NKAIN3: variants seen among roughly 807,000 people sequenced by gnomAD.
NKAIN3 encodes sodium/potassium transporting ATPase interacting 3, also known as sodium/potassium-transporting ATPase subunit beta-1-interacting protein 3.
Under a neutral mutation model 30.2 loss-of-function variants are expected in NKAIN3, and 25 were observed. The ratio of observed to expected loss-of-function variants is 0.83; its 90% CI spans 0.60 to 1.16. The LOEUF is 1.16. NKAIN3 is among the 50% of genes most tolerant of loss of function. The pLI, the probability that NKAIN3 is intolerant of heterozygous loss-of-function variation, is 0.00. For synonymous variants in NKAIN3, 91 were observed against 89.6 expected (o/e 1.02, Z -0.09); for missense variants, 225 against 254.1 (o/e 0.89, Z 0.78).
intron 4 of NKAIN3, among the ~76,000 whole-genome samples, chr8:62,795,613 T>C (rs965575414): frequency 6.6e-6 from 1 of 152,194 alleles, no homozygotes; most frequent in Non-Finnish European, 1.5e-5. Context: ...TTTTTAGCTC[T>C]AAAATGGAAT....
intron 3 of NKAIN3, among the ~76,000 whole-genome samples, chr8:62,637,232 T>C (rs1009493497): frequency 6.6e-6 from 1 of 152,174 alleles, no homozygotes; most frequent in African/African-American, 2.4e-5. Context: ...TTGAAGAACA[T>C]CCCTGAGGCT....
At chr8:62,632,746 A>AC (rs144627559) in intron 3 of NKAIN3, among the ~76,000 whole-genome samples, 7,183 of 151,816 alleles carry the variant, frequency 0.047, 236 homozygotes, top group Non-Finnish European at 0.073. Flanking sequence ...CAGGTGATCC[A>AC]CCCCCCTCGG....
chr8:62,319,457 T>A (rs1814791680), intron 1 of NKAIN3, among the ~76,000 whole-genome samples: 1 of 152,224 alleles, frequency 6.6e-6, no homozygotes, highest in South Asian at 2.1e-4. Context: ...CTGCTTTCTC[T>A]TGTGGGCATT....
intron 3 of NKAIN3, among the ~76,000 whole-genome samples, chr8:62,737,966 C>A (rs973200267): frequency 2.0e-5 from 3 of 152,078 alleles, no homozygotes; most frequent in African/African-American, 4.8e-5. Context: ...AATAGTGCTG[C>A]AATAAACATA....
chr8:62,618,651 A>T (rs1811533608), intron 3 of NKAIN3, among the ~76,000 whole-genome samples: 1 of 152,166 alleles, frequency 6.6e-6, no homozygotes, highest in Non-Finnish European at 1.5e-5. Flanking sequence ...AACGCCTGTA[A>T]TCCTAGCACT....
At chr8:62,864,527 A>G (rs17182014) in intron 4 of NKAIN3, among the ~76,000 whole-genome samples, 11,004 of 152,288 alleles carry the variant, frequency 0.072, 504 homozygotes, top group South Asian at 0.15. Context: ...GATTACACAT[A>G]TAACAGCTCC....
chr8:62,819,876 A>G (rs1486949692), intron 4 of NKAIN3, among the ~76,000 whole-genome samples: 1 of 152,176 alleles, frequency 6.6e-6, no homozygotes, highest in African/African-American at 2.4e-5. Context: ...CTCAATAAAT[A>G]CATTTTGCTT....
chr8:62,608,409 C>G (rs1011216821), intron 3 of NKAIN3, among the ~76,000 whole-genome samples: 21 of 152,210 alleles, frequency 1.4e-4, no homozygotes, highest in Non-Finnish European at 2.6e-4. Flanking sequence ...GTGGGGCTTT[C>G]TCAATTAAAG....
chr8:62,851,309 A>G (rs1221180079), intron 4 of NKAIN3, among the ~76,000 whole-genome samples: 1 of 152,160 alleles, frequency 6.6e-6, no homozygotes, highest in Non-Finnish European at 1.5e-5. Context: ...TTGATTTTGT[A>G]TCCTGAGACT....
chr8:62,609,833 G>C (rs375882370), intron 3 of NKAIN3, among the ~76,000 whole-genome samples: 2 of 152,212 alleles, frequency 1.3e-5, no homozygotes, highest in South Asian at 2.1e-4. Context: ...CATGTTGCTA[G>C]CACGCCATGA....
chr8:62,369,202 C>T (rs1023496764), intron 1 of NKAIN3, among the ~76,000 whole-genome samples: 7 of 151,344 alleles, frequency 4.6e-5, no homozygotes, highest in Non-Finnish European at 8.8e-5. Flanking sequence ...CGTCTTAAGA[C>T]TATGAAAGTT....
At chr8:62,895,536 C>T (rs1165328858) in intron 4 of NKAIN3, among the ~76,000 whole-genome samples, 1 of 152,170 alleles carries the variant, frequency 6.6e-6, no homozygotes, top group African/African-American at 2.4e-5. Context: ...GCAGTATGCA[C>T]ATTTAGCCCT....
At chr8:62,608,286 G>A (rs10099741) in intron 3 of NKAIN3, among the ~76,000 whole-genome samples, 68,975 of 151,992 alleles carry the variant, frequency 0.45, 17,909 homozygotes, top group Non-Finnish European at 0.59. Context: ...CCTGTGTCAC[G>A]TATTAAAGGT....
At chr8:62,824,577 G>A (rs1162713877) in intron 4 of NKAIN3, among the ~76,000 whole-genome samples, 1 of 151,842 alleles carries the variant, frequency 6.6e-6, no homozygotes, top group African/African-American at 2.4e-5. Context: ...ACATGCTTTG[G>A]AAATGCAAAG....
At chr8:62,521,500 G>C (rs7820069) in intron 1 of NKAIN3, among the ~76,000 whole-genome samples, 136,153 of 152,144 alleles carry the variant, frequency 0.89, 61,132 homozygotes, top group Middle Eastern at 0.95. Flanking sequence ...CAGAGGGGCA[G>C]ACACATGTTC....
intron 6 of NKAIN3, among the ~76,000 whole-genome samples, chr8:62,956,887 G>A (rs1014985361): frequency 1.3e-5 from 2 of 152,234 alleles, no homozygotes; most frequent in Non-Finnish European, 2.9e-5. Context: ...TTATGCGGGA[G>A]GGGGAATGGT....
chr8:62,930,434 A>C (rs1224988190), intron 5 of NKAIN3, among the ~76,000 whole-genome samples: 1 of 151,338 alleles, frequency 6.6e-6, no homozygotes. Context: ...TTGTATTTTT[A>C]GTAGAGATGG....
chr8:62,833,905 A>G (rs1819276130), intron 4 of NKAIN3, among the ~76,000 whole-genome samples: 1 of 152,102 alleles, frequency 6.6e-6, no homozygotes. Context: ...TTACTGAAGA[A>G]CATAGACAGA....
At chr8:62,587,804 G>T (rs966497854) in intron 2 of NKAIN3, among the ~76,000 whole-genome samples, 1 of 151,952 alleles carries the variant, frequency 6.6e-6, no homozygotes, top group Non-Finnish European at 1.5e-5. Flanking sequence ...GACAGTTGAG[G>T]TTTACATAGC....
Sources: allele counts gnomAD v4.1 joint callset (sites outside exome capture counted in the v4.1 genomes callset), GRCh38; gene constraint gnomAD v4.1.1; transcripts MANE v1.5; gene names NCBI Gene and HGNC (gene_info 2026-07-23, HGNC 2026-07-21).